Variants in FABP5 observed in about 807,000 individuals in gnomAD.
FABP5 encodes the protein fatty acid-binding protein 5.
In FABP5, 7 loss-of-function variants were observed where a neutral mutation model predicts 16.9. The ratio of observed to expected loss-of-function variants is 0.41; its 90% CI spans 0.24 to 0.78. The LOEUF is 0.78. FABP5 is among the 30% of genes least tolerant of loss of function. The pLI, the probability that FABP5 is intolerant of heterozygous loss-of-function variation, is 0.30. For missense variants in FABP5, 119 were observed against 159.5 expected, an observed-to-expected ratio of 0.75 and a Z score of 1.37; for synonymous variants, 37 against 52.8, an observed-to-expected ratio of 0.70 and a Z score of 1.30.
At chr8:81,282,364 A>C (rs1374216864) in intron 1 of FABP5, among the ~76,000 whole-genome samples, 5 of 152,188 alleles carry the variant, frequency 3.3e-5, no homozygotes, top group Admixed American at 2.0e-4. Flanking sequence ...TTATTTGTCC[A>C]AAGTGAGAGT....
chr8:81,283,814 A>G, intron 2 of FABP5, 59 bp from the exon 3 acceptor site: 8 of 1,350,112 alleles, frequency 5.9e-6, no homozygotes, highest in Non-Finnish European at 8.3e-6. Context: ...GGAGGTTATG[A>G]GTCATGGAAA....
At position 81,281,958 on chromosome 8, in the gene FABP5, C is replaced by G. The variant is rs1253233931; in HGVS notation, c.79+1284C>G. ...CTGGTGAAATAACTACCGTGACCCT[C>G]TATTGATACCTGGTCGCCGTGGCAC... On this transcript the variant is annotated intron_variant, in intron 1 of 3. Coordinates refer to ENST00000297258, the MANE Select transcript of FABP5 (RefSeq NM_001444.3). The surrounding 1 kb of genome is among the most constrained non-coding windows in gnomAD (Gnocchi z 4.5). Among the ~76,000 whole-genome samples the G allele has an allele frequency of 2.0e-5, 3 of 152,150 alleles. No homozygotes were observed. Among genetic ancestry groups the G allele is most frequent in the Admixed American group, 2.0e-4 (3 of 15,282 alleles).
rs1807872345 is a variant in FABP5 at position 81,283,885 on chromosome 8, T to G, written c.265T>G (p.Phe89Val). ...TTTGTTTTTGCAGACTGTCTGCAAC[T>G]TTACAGATGGTGCATTGGTTCAGCA... The part of the protein sequence containing the change: ...DGRKTQTVCN[F>V]TDGALVQHQE... Residue 89 changes from phenylalanine to valine, a missense_variant, in exon 3 of 4, where the codon TTT becomes GTT. Physicochemically the swap from Phe to Val is conservative, Grantham distance 50. Transcript: ENST00000297258. 2 of 1,611,792 alleles carry G rather than the reference T, an allele frequency of 1.2e-6. No homozygotes were observed. Among genetic ancestry groups the G allele is most frequent in the Non-Finnish European group, 1.7e-6 (2 of 1,178,888 alleles).
rs1586288079 is a variant in FABP5, at chr8:81,280,549, A to G, written c.-47A>G. ...GCCGGGTGCCTCACAGCACGCTGCC[A>G]CGCCGACGCAGACCCCTCTCTGCAC... On this transcript the variant is annotated 5_prime_UTR_variant, in exon 1 of 4. Transcript: ENST00000297258. 2 of 1,538,506 alleles carry G rather than the reference A, an allele frequency of 1.3e-6. No homozygotes were observed. Among genetic ancestry groups the G allele is most frequent in the East Asian group, 2.5e-5 (1 of 40,398 alleles).
chr8:81,280,565 C>G lies in FABP5; in HGVS notation c.-31C>G, dbSNP rs1430379337. ...CACGCTGCCACGCCGACGCAGACCC[C>G]TCTCTGCACGCCAGCCCGCCCGCAC... On this transcript the variant is annotated 5_prime_UTR_variant, in exon 1 of 4. Coordinates refer to ENST00000297258, the MANE Select transcript of FABP5 (RefSeq NM_001444.3). 3.9e-6 allele frequency: 6 copies of G among 1,547,272 alleles called. No homozygotes were observed. Among genetic ancestry groups the G allele is most frequent in the Non-Finnish European group, 5.2e-6 (6 of 1,144,782 alleles).
rs773184252 is a variant in FABP5, at chr8:81,281,379, C to T, written c.79+705C>T. 88 of 985,560 alleles carry T rather than the reference C, an allele frequency of 8.9e-5. No homozygotes were observed. Among genetic ancestry groups the T allele is most frequent in the Non-Finnish European group, 9.4e-5 (78 of 830,176 alleles). 61.1% of individuals were successfully genotyped at this position (985,560 alleles called of 1,614,324 possible). On this transcript the variant is annotated intron_variant, in intron 1 of 3. Transcript: ENST00000297258. The surrounding 1 kb of genome is among the most constrained non-coding windows in gnomAD (Gnocchi z 4.5). ...ATTGGTACCCCATGGAACACCAGGG[C>T]CCCCGAGAAGCGTGGCGCTGGCGGT...
intron 3 of FABP5, 187 bp downstream of exon 3, chr8:81,284,161 G>T (rs1029034487): frequency 1.6e-5 from 9 of 575,300 alleles, no homozygotes; most frequent in Non-Finnish European, 2.7e-5. Context: ...CATGACATAG[G>T]AGAGGATTTG....
Position 81,281,731 on chromosome 8 carries a change from G to C in FABP5, c.79+1057G>C. ...ATTATAAATTACTGTCCTTTTCTAT[G>C]CCAGTGACAGATTGCATGCTGATTG... On this transcript the variant is annotated intron_variant, in intron 1 of 3. Coordinates refer to ENST00000297258, the MANE Select transcript of FABP5 (RefSeq NM_001444.3). The surrounding 1 kb of genome is among the most constrained non-coding windows in gnomAD (Gnocchi z 4.5). The C allele has an allele frequency of 1.1e-6, 1 of 941,464 alleles. No homozygotes were observed. Among genetic ancestry groups the C allele is most frequent in the Non-Finnish European group, 1.3e-6 (1 of 789,852 alleles). The allele number at this position is 941,464 out of a possible 1,614,324, so 58.3% of individuals were successfully genotyped here. A position where few individuals can be genotyped will look rare whatever the true frequency, so the allele number is the denominator to read the frequency against.
Position 81,281,624 on chromosome 8 carries a change from G to A in FABP5, c.79+950G>A. The A allele has an allele frequency of 1.0e-6, 1 of 985,484 alleles. No individual in the cohort carries two copies. Among genetic ancestry groups the A allele is most frequent in the Middle Eastern group, 5.2e-4 (1 of 1,914 alleles). The allele number at this position is 985,484 out of a possible 1,614,324, so 61.0% of individuals were successfully genotyped here. Reference sequence around the variant, plus strand: ...CATGCAAGATGGGTGTGGCCCTGCAGAAGGCAGATGACTTCTTGAAGCGTT... The same window carrying A: ...CATGCAAGATGGGTGTGGCCCTGCAAAAGGCAGATGACTTCTTGAAGCGTT... On this transcript the variant is annotated intron_variant, in intron 1 of 3. Coordinates refer to ENST00000297258, the MANE Select transcript of FABP5 (RefSeq NM_001444.3). This position sits in a 1 kb window ranked among gnomAD's most constrained non-coding sequence, Gnocchi z 4.5.
intron 1 of FABP5, among the ~76,000 whole-genome samples, chr8:81,282,706 A>AT (rs1400896944): frequency 5.3e-5 from 8 of 151,880 alleles, no homozygotes; most frequent in African/African-American, 7.3e-5. Flanking sequence ...GAAAGGTAGG[A>AT]TTTTTTTTCC....
At chr8:81,283,085 C>A in intron 1 of FABP5, 1 of 258,940 alleles carries the variant, frequency 3.9e-6, no homozygotes, top group Non-Finnish European at 7.3e-6. Flanking sequence ...CCATCACTTT[C>A]TAGTTGAATG....
At position 81,281,394 on chromosome 8, in the gene FABP5, G is replaced by C; in HGVS notation, c.79+720G>C. 3.0e-6 allele frequency: 3 copies of C among 986,104 alleles called. No homozygotes were observed. Among genetic ancestry groups the C allele is most frequent in the Non-Finnish European group, 3.6e-6 (3 of 830,542 alleles). The allele number at this position is 986,104 out of a possible 1,614,324, so 61.1% of individuals were successfully genotyped here. ...AACACCAGGGCCCCCGAGAAGCGTG[G>C]CGCTGGCGGTGCCGACCTGCTGCTG... On this transcript the variant is annotated intron_variant, in intron 1 of 3. Coordinates refer to ENST00000297258, the MANE Select transcript of FABP5 (RefSeq NM_001444.3). The surrounding 1 kb of genome is among the most constrained non-coding windows in gnomAD (Gnocchi z 4.5).
Position 81,284,528 on chromosome 8 carries a change from C to T in FABP5, c.369C>T (p.Asn123=), listed in dbSNP as rs757711207. 1 of 1,602,366 alleles carries T rather than the reference C, an allele frequency of 6.2e-7. No individual in the cohort carries two copies. The highest frequency in any genetic ancestry group is 1.7e-5 in the Admixed American group (1 of 59,978). The change falls in exon 4 of 4, where the codon AAC becomes AAT. Residue 123 remains asparagine (N), a synonymous_variant. Coordinates refer to ENST00000297258, the MANE Select transcript of FABP5 (RefSeq NM_001444.3). ...DGKLVVECVM[N]NVTCTRIYEK... is the part of the protein sequence containing the mutation. ...CCTTCTTCTAGGAGTGTGTCATGAACAATGTCACCTGTACTCGGATCTATG... is the reference window on the plus strand; with the variant it reads ...CCTTCTTCTAGGAGTGTGTCATGAATAATGTCACCTGTACTCGGATCTATG...
chr8:81,283,684 T>G, intron 2 of FABP5, 146 bp downstream of exon 2: 1 of 1,055,462 alleles, frequency 9.5e-7, no homozygotes, highest in Non-Finnish European at 1.3e-6. Context: ...ATCAACTTCA[T>G]CATAGAATTG....
At chr8:81,282,178 G>GTA (rs1177747276) in intron 1 of FABP5, among the ~76,000 whole-genome samples, 1 of 151,394 alleles carries the variant, frequency 6.6e-6, no homozygotes, top group African/African-American at 2.4e-5. Flanking sequence ...GTGTGTGTGT[G>GTA]TGTGTGTGTG....
intron 1 of FABP5, 74 bp from the exon 2 acceptor site, chr8:81,283,292 T>C (rs1357861703): frequency 8.0e-7 from 1 of 1,255,808 alleles, no homozygotes; most frequent in Non-Finnish European, 1.1e-6. Flanking sequence ...GTGATTACAA[T>C]GGAATTATTG....
chr8:81,284,242 C>G, intron 3 of FABP5: 1 of 538,606 alleles, frequency 1.9e-6, no homozygotes, highest in East Asian at 2.9e-5. Context: ...CCAAACTGCA[C>G]ACATTTTTCT....
In FABP5 at chr8:81,281,794, T is replaced by A. The variant is rs1169338851; in HGVS notation, c.79+1120T>A. On this transcript the variant is annotated intron_variant, in intron 1 of 3. Coordinates refer to ENST00000297258, the MANE Select transcript of FABP5 (RefSeq NM_001444.3). This position sits in a 1 kb window ranked among gnomAD's most constrained non-coding sequence, Gnocchi z 4.5. The stretch of plus-strand genomic sequence containing the variant: ...AATTGCAAACAAAAATGGACCTTTG[T>A]CACAGGCCACTAGGAAGTGAGATGG... 2.1e-6 allele frequency: 1 copy of A among 468,800 alleles called. No homozygotes were observed. Among genetic ancestry groups the A allele is most frequent in the Non-Finnish European group, 2.8e-6 (1 of 358,308 alleles). The allele number at this position is 468,800 out of a possible 1,614,324, so 29.0% of individuals were successfully genotyped here. A position where few individuals can be genotyped will look rare whatever the true frequency, so the allele number is the denominator to read the frequency against.
chr8:81,284,164 AGGATTTGGCT>A (rs1191675738), intron 3 of FABP5, 190 bp downstream of exon 3: 2 of 570,906 alleles, frequency 3.5e-6, no homozygotes, highest in Admixed American at 3.2e-5. Context: ...GACATAGGAG[AGGATTTGGCT>A]GGAGTTGGGG....
Sources: allele counts gnomAD v4.1 joint callset (sites outside exome capture counted in the v4.1 genomes callset), GRCh38; gene constraint gnomAD v4.1.1; non-coding constraint Gnocchi (gnomAD v3.1); transcripts MANE v1.5; gene names NCBI Gene and HGNC (gene_info 2026-07-23, HGNC 2026-07-21).